CSMD2: variants seen among roughly 807,000 people sequenced by gnomAD.
CSMD2 encodes CUB and sushi domain-containing protein 2.
CSMD2 carries 130 observed loss-of-function variants against 398.5 expected under a neutral mutation model. That is an observed-to-expected ratio of 0.33 (90% CI 0.28 to 0.38). The LOEUF (loss-of-function observed/expected upper bound fraction) is 0.38, where lower values mean the gene tolerates loss of function less well. Ranked by LOEUF, CSMD2 falls within the 10% of genes least tolerant of loss-of-function variation. The pLI, the probability that CSMD2 is intolerant of heterozygous loss-of-function variation, is 1.00. For missense variants in CSMD2, 3,829 were observed against 4,764.9 expected (o/e 0.80, Z 5.78); for synonymous variants, 1,828 against 1,908.5 (o/e 0.96, Z 1.10).
Position 33,633,286 on chromosome 1 carries a change from G to T in CSMD2, c.5200+136C>A. The T allele has an allele frequency of 1.5e-6, 1 of 674,980 alleles. No homozygotes were observed. Among genetic ancestry groups the T allele is most frequent in the Non-Finnish European group, 2.6e-6 (1 of 383,966 alleles). 41.8% of individuals were successfully genotyped at this position (674,980 alleles called of 1,614,324 possible). A position where few individuals can be genotyped will look rare whatever the true frequency, so the allele number is the denominator to read the frequency against. On this transcript the variant is annotated intron_variant, in intron 32 of 70. Coordinates refer to ENST00000373381, the MANE Select transcript of CSMD2 (RefSeq NM_001281956.2). This position sits in a 1 kb window ranked among gnomAD's most constrained non-coding sequence, Gnocchi z 5.0. ...GAGCTGGCTGCTGCGTTGTAGACAAGCACCAGAACACGACAGGCACGCAGA... is the reference window on the plus strand; with the variant it reads ...GAGCTGGCTGCTGCGTTGTAGACAATCACCAGAACACGACAGGCACGCAGA...
chr1:33,679,919 CT>C (rs11415719), intron 25 of CSMD2, among the ~76,000 whole-genome samples: 45 of 144,100 alleles, frequency 3.1e-4, no homozygotes, highest in African/African-American at 6.4e-4. Flanking sequence ...TTGAATTTTA[CT>C]TTTTTTTTTT....
chr1:33,764,705 T>C (rs1163407256), intron 13 of CSMD2, among the ~76,000 whole-genome samples: 2 of 152,254 alleles, frequency 1.3e-5, no homozygotes, highest in Non-Finnish European at 2.9e-5. Context: ...TTATCCCTCA[T>C]GCTGAGGCTG....
Position 33,624,969 on chromosome 1 carries a change from A to G in CSMD2, c.5500+82T>C. The stretch of plus-strand genomic sequence containing the variant: ...CGGCTGCTGTGTGTCGTGGGGCATC[A>G]CTGGGGCTGACTGCCTCCCCTACAG... On this transcript the variant is annotated intron_variant, in intron 34 of 70. Coordinates refer to ENST00000373381, the MANE Select transcript of CSMD2 (RefSeq NM_001281956.2). This position sits in a 1 kb window ranked among gnomAD's most constrained non-coding sequence, Gnocchi z 4.7. The G allele has an allele frequency of 7.2e-7, 1 of 1,388,976 alleles. No homozygotes were observed. The highest frequency in any genetic ancestry group is 1.0e-6 in the Non-Finnish European group (1 of 983,408). The allele number at this position is 1,388,976 out of a possible 1,614,324, so 86.0% of individuals were successfully genotyped here.
intron 32 of CSMD2, among the ~76,000 whole-genome samples, chr1:33,627,713 G>A (rs1040311407): frequency 6.6e-6 from 1 of 152,232 alleles, no homozygotes; most frequent in African/African-American, 2.4e-5. Context: ...CCAGCTAACA[G>A]TTATTGCCCC....
intron 1 of CSMD2, among the ~76,000 whole-genome samples, chr1:34,116,493 T>C (rs1010555471): frequency 3.3e-5 from 5 of 151,954 alleles, no homozygotes; most frequent in South Asian, 2.1e-4. Context: ...CCCAGATATA[T>C]GAAGCAAACA....
Position 33,970,155 on chromosome 1 carries a change from A to T in CSMD2, c.518-34201T>A, listed in dbSNP as rs1456897869. On this transcript the variant is annotated intron_variant, in intron 3 of 70. Coordinates refer to ENST00000373381, the MANE Select transcript of CSMD2 (RefSeq NM_001281956.2). ...AAGGCAGAAATTCAAAGGCAGTCCC[A>T]TCTGACTCCAAAGCCACTGTGCTGG... 2.0e-5 allele frequency among the ~76,000 whole-genome samples: 3 copies of T among 151,314 alleles called. No individual in the cohort carries two copies. The East Asian group carries it at 5.9e-4, about 30-fold the overall frequency.
Position 33,624,902 on chromosome 1 carries a change from G to A in CSMD2, c.5500+149C>T. On this transcript the variant is annotated intron_variant, in intron 34 of 70. Coordinates refer to ENST00000373381, the MANE Select transcript of CSMD2 (RefSeq NM_001281956.2). The surrounding 1 kb of genome is among the most constrained non-coding windows in gnomAD (Gnocchi z 4.7). ...CACACAGCCCACAGCGCCGGGGACT[G>A]GGGTTGACTGGGACACCCCACCTCA... is the stretch of plus-strand genomic sequence containing the variant. 2 of 897,514 alleles carry A rather than the reference G, an allele frequency of 2.2e-6. No individual in the cohort carries two copies. The highest frequency in any genetic ancestry group is 1.7e-5 in the African/African-American group (1 of 60,534). 55.6% of individuals were successfully genotyped at this position (897,514 alleles called of 1,614,324 possible). A position where few individuals can be genotyped will look rare whatever the true frequency, so the allele number is the denominator to read the frequency against.
intron 1 of CSMD2, among the ~76,000 whole-genome samples, chr1:34,119,137 C>T (rs150058050): frequency 3.0e-4 from 46 of 152,212 alleles, no homozygotes; most frequent in African/African-American, 1.1e-3. Context: ...GTCAAATGGT[C>T]TTTGACAAGG....
At chr1:33,851,316 T>G (rs1206297791) in intron 5 of CSMD2, among the ~76,000 whole-genome samples, 1 of 152,238 alleles carries the variant, frequency 6.6e-6, no homozygotes, top group Non-Finnish European at 1.5e-5. Context: ...ATCTGGCTTC[T>G]GTCCTCCCAG....
At chr1:33,660,945 A>C (rs933965047) in intron 26 of CSMD2, among the ~76,000 whole-genome samples, 5 of 152,190 alleles carry the variant, frequency 3.3e-5, no homozygotes, top group Admixed American at 3.3e-4. Flanking sequence ...AATAAATAGA[A>C]GTAAAGTGCC....
intron 3 of CSMD2, among the ~76,000 whole-genome samples, chr1:33,989,723 C>T (rs1019247427): frequency 2.0e-5 from 3 of 152,114 alleles, no homozygotes; most frequent in African/African-American, 7.2e-5. Flanking sequence ...TGAAAAAAGT[C>T]AGACACAAGA....
chr1:33,760,742 G>C (rs151262356), intron 13 of CSMD2, among the ~76,000 whole-genome samples: 1 of 152,104 alleles, frequency 6.6e-6, no homozygotes, highest in South Asian at 2.1e-4. Flanking sequence ...GCTCAGGGAA[G>C]GTATACATTC....
At chr1:33,536,290 C>T (rs1299618897) in intron 62 of CSMD2, among the ~76,000 whole-genome samples, 1 of 152,180 alleles carries the variant, frequency 6.6e-6, no homozygotes, top group Admixed American at 6.5e-5. Context: ...GTGGTGCGAT[C>T]TTGGCTCACT....
chr1:33,590,595 T>TCTCACACACACA (rs138836325), intron 44 of CSMD2, among the ~76,000 whole-genome samples: 2 of 137,640 alleles, frequency 1.5e-5, no homozygotes, highest in South Asian at 2.5e-4. Context: ...CTATTTCCCA[T>TCTCACACACACA]CACACACACA....
intron 4 of CSMD2, among the ~76,000 whole-genome samples, chr1:33,930,698 G>A (rs891566660): frequency 2.0e-5 from 3 of 152,176 alleles, no homozygotes; most frequent in African/African-American, 7.2e-5. Flanking sequence ...TCCCTCTTGT[G>A]GATCAAAGAG....
intron 25 of CSMD2, among the ~76,000 whole-genome samples, chr1:33,689,489 A>G (rs970372215): frequency 6.6e-6 from 1 of 151,714 alleles, no homozygotes; most frequent in Non-Finnish European, 1.5e-5. Context: ...ATTGGTTTTG[A>G]TCTTGTCTTC....
chr1:33,615,020 A>G (rs943656902), intron 39 of CSMD2, among the ~76,000 whole-genome samples: 3 of 152,186 alleles, frequency 2.0e-5, no homozygotes, highest in African/African-American at 7.2e-5. Flanking sequence ...ACTGCAGAAA[A>G]AGGATGAAGG....
chr1:33,768,545 T>C (rs1357430876), intron 13 of CSMD2, among the ~76,000 whole-genome samples: 1 of 87,746 alleles, frequency 1.1e-5, no homozygotes, highest in East Asian at 3.6e-4. Context: ...CATGTGTGTG[T>C]GTGTGTGTGT....
Position 34,015,313 on chromosome 1 carries a change from G to A in CSMD2, c.517+17281C>T, listed in dbSNP as rs554061309. ...ATGCTCATACCCCTATTTTACAGTT[G>A]AGAAAACTGAGCCTCAGAGATATTA... On this transcript the variant is annotated intron_variant, in intron 3 of 70. Coordinates refer to ENST00000373381, the MANE Select transcript of CSMD2 (RefSeq NM_001281956.2). Among the ~76,000 whole-genome samples, 144 of 152,310 alleles carry A rather than the reference G, an allele frequency of 9.5e-4. 2 individuals are homozygous for A. The highest frequency in any genetic ancestry group is 7.3e-3 in the South Asian group (35 of 4,826).
Sources: gnomAD v4.1 joint callset for allele counts (sites outside exome capture counted in the v4.1 genomes callset) on GRCh38, gnomAD v4.1.1 for gene constraint, Gnocchi (gnomAD v3.1) non-coding constraint, MANE v1.5 for transcripts, NCBI Gene and HGNC (gene_info 2026-07-23, HGNC 2026-07-21) for gene names.